Variants in DLGAP2 observed in about 807,000 individuals in gnomAD.
DLGAP2 encodes the protein disks large-associated protein 2.
Under a neutral mutation model 100.3 loss-of-function variants are expected in DLGAP2, and 26 were observed. That is an observed-to-expected ratio of 0.26 (90% CI 0.19 to 0.36). The LOEUF (loss-of-function observed/expected upper bound fraction) is 0.36, where lower values mean the gene tolerates loss of function less well. Among genes scored for constraint, DLGAP2 ranks in the 10% least tolerant of loss-of-function variants. DLGAP2 has a pLI of 1.00. For missense variants in DLGAP2, 1,858 were observed against 1,453.2 expected (o/e 1.28, Z -4.53); for synonymous variants, 886 against 630.1 (o/e 1.41, Z -6.08).
chr8:787,580 A>C (rs374473286), intron 1 of DLGAP2, among the ~76,000 whole-genome samples: 1 of 152,260 alleles, frequency 6.6e-6, no homozygotes, highest in East Asian at 1.9e-4. Context: ...TTACTTGGTG[A>C]GGTCAGCAGT....
At chr8:1,049,347 A>G (rs1242244936) in intron 2 of DLGAP2, among the ~76,000 whole-genome samples, 2 of 152,054 alleles carry the variant, frequency 1.3e-5, no homozygotes, top group African/African-American at 4.8e-5. Context: ...GAAGACACAG[A>G]CACCTTCTTC....
Position 1,549,387 on chromosome 8 carries a change from C to T in DLGAP2, c.934C>T (p.Pro312Ser), listed in dbSNP as rs1801679642. 6.2e-7 allele frequency: 1 copy of T among 1,613,496 alleles called. No individual in the cohort carries two copies. The highest frequency in any genetic ancestry group is 8.5e-7 in the Non-Finnish European group (1 of 1,179,810). Residue 312 changes from proline to serine, a missense_variant, in exon 5 of 15, where the codon CCC becomes TCC. Coordinates refer to ENST00000637795, the MANE Select transcript of DLGAP2 (RefSeq NM_001346810.2). ...NLDSDSTYRT[P>S]SVLNRHHLGP... The stretch of plus-strand genomic sequence containing the variant: ...GGACAGCGACAGCACCTATCGGACG[C>T]CCAGCGTGCTCAACCGGCACCACCT...
chr8:1,166,163 CTTGT>C (rs1431860567), intron 2 of DLGAP2, among the ~76,000 whole-genome samples: 3 of 152,160 alleles, frequency 2.0e-5, no homozygotes, highest in Non-Finnish European at 4.4e-5. Flanking sequence ...TCTTTGAGGT[CTTGT>C]TTGTCTTACA....
intron 2 of DLGAP2, among the ~76,000 whole-genome samples, chr8:956,136 G>A (rs1799591342): frequency 6.6e-6 from 1 of 152,222 alleles, no homozygotes; most frequent in Admixed American, 6.5e-5. Context: ...AAGCAAGCTT[G>A]AGATATATAA....
chr8:842,320 T>G (rs1796997930), intron 1 of DLGAP2, among the ~76,000 whole-genome samples: 1 of 152,166 alleles, frequency 6.6e-6, no homozygotes, highest in Admixed American at 6.5e-5. Flanking sequence ...GAAGACCAGG[T>G]TTGCTGCGTA....
chr8:1,257,724 G>A (rs930107575), intron 2 of DLGAP2, among the ~76,000 whole-genome samples: 1 of 151,964 alleles, frequency 6.6e-6, no homozygotes, highest in Non-Finnish European at 1.5e-5. Flanking sequence ...GTCCTCCCGA[G>A]GGCCCGTGCA....
chr8:781,630 C>G (rs764244209), intron 1 of DLGAP2, among the ~76,000 whole-genome samples: 9 of 152,090 alleles, frequency 5.9e-5, no homozygotes, highest in South Asian at 4.2e-4. Context: ...CCCATTAACA[C>G]AAGAGGACAA....
intron 1 of DLGAP2, among the ~76,000 whole-genome samples, chr8:795,606 A>G (rs1159571937): frequency 2.7e-5 from 3 of 109,470 alleles, no homozygotes; most frequent in African/African-American, 7.1e-5. Flanking sequence ...CAGGTCCGTC[A>G]TGGAGCAGGT....
intron 3 of DLGAP2, among the ~76,000 whole-genome samples, chr8:1,500,300 A>T (rs903041256): frequency 1.3e-5 from 2 of 152,200 alleles, no homozygotes; most frequent in African/African-American, 4.8e-5. Context: ...CCTGAGATCC[A>T]GCTGTGTCTA....
intron 2 of DLGAP2, among the ~76,000 whole-genome samples, chr8:1,203,303 C>G (rs959903382): frequency 6.7e-6 from 1 of 149,216 alleles, no homozygotes; most frequent in Admixed American, 6.7e-5. Context: ...TGTTAGAATC[C>G]ATGAGACTGG....
At chr8:1,317,927 T>G (rs377550843) in intron 3 of DLGAP2, among the ~76,000 whole-genome samples, 71 of 74,714 alleles carry the variant, frequency 9.5e-4, no homozygotes, top group East Asian at 2.6e-3. Flanking sequence ...GAGACACTCG[T>G]CAGCGTTTAA....
At chr8:1,066,250 ACGGTCAGGTC>A (rs1803245890) in intron 2 of DLGAP2, among the ~76,000 whole-genome samples, 1 of 147,882 alleles carries the variant, frequency 6.8e-6, no homozygotes, top group African/African-American at 2.5e-5. Flanking sequence ...GCTCCCCACC[ACGGTCAGGTC>A]TGAGCGAGGA....
At position 1,095,951 on chromosome 8, in the gene DLGAP2, C is replaced by T. The variant is rs527449439; in HGVS notation, c.74-162900C>T. 4.6e-5 allele frequency among the ~76,000 whole-genome samples: 7 copies of T among 152,240 alleles called. No homozygotes were observed. The South Asian group carries it at 1.5e-3, about 32-fold the overall frequency. ...TGAATTTGACACCAAAACTATCTAA[C>T]AATTTTAGAGAACTGAATATTTTAA... On this transcript the variant is annotated intron_variant, in intron 2 of 14. Transcript: ENST00000637795.
At chr8:1,267,581 AATAAAATAAGATAAG>A (rs746807547) in intron 3 of DLGAP2, among the ~76,000 whole-genome samples, 869 of 64,912 alleles carry the variant, frequency 0.013, 40 homozygotes, top group South Asian at 0.064. Flanking sequence ...AATAAAATAA[AATAAAATAAGATAAG>A]ATAAGATAAG....
intron 3 of DLGAP2, among the ~76,000 whole-genome samples, chr8:1,453,707 A>G (rs1316420768): frequency 6.6e-6 from 1 of 152,182 alleles, no homozygotes; most frequent in South Asian, 2.1e-4. Flanking sequence ...AATCCGCCCC[A>G]TCAACTCTTC....
At chr8:1,086,840 T>C (rs1803988516) in intron 2 of DLGAP2, among the ~76,000 whole-genome samples, 1 of 152,118 alleles carries the variant, frequency 6.6e-6, no homozygotes, top group Non-Finnish European at 1.5e-5. Flanking sequence ...CTTTCAATAA[T>C]GGAAAGATCA....
chr8:985,651 A>T (rs771918791), intron 2 of DLGAP2, among the ~76,000 whole-genome samples: 4 of 152,258 alleles, frequency 2.6e-5, no homozygotes, highest in Non-Finnish European at 5.9e-5. Context: ...TACAATCTGT[A>T]TTATCTGAGA....
At chr8:1,212,945 C>A (rs1798136415) in intron 2 of DLGAP2, among the ~76,000 whole-genome samples, 1 of 151,938 alleles carries the variant, frequency 6.6e-6, no homozygotes, top group Non-Finnish European at 1.5e-5. Context: ...AGATCAGAAA[C>A]ATTTCTTATG....
At chr8:800,996 C>G (rs1377272352) in intron 1 of DLGAP2, among the ~76,000 whole-genome samples, 2 of 152,130 alleles carry the variant, frequency 1.3e-5, no homozygotes, top group Non-Finnish European at 2.9e-5. Context: ...CGTCCACAGC[C>G]TGATACACCT....
Sources: gnomAD v4.1 joint callset for allele counts (sites outside exome capture counted in the v4.1 genomes callset) on GRCh38, gnomAD v4.1.1 for gene constraint, MANE v1.5 for transcripts, NCBI Gene and HGNC (gene_info 2026-07-23, HGNC 2026-07-21) for gene names.